The following PKNOX2 variants were observed in gnomAD, a reference collection of about 807,000 sequenced individuals.
PKNOX2 encodes the protein PBX/knotted 1 homeobox 2.
Under a neutral mutation model 53.1 loss-of-function variants are expected in PKNOX2, and 14 were observed. That is an observed-to-expected ratio of 0.26 (90% CI 0.17 to 0.41). The LOEUF (loss-of-function observed/expected upper bound fraction) is 0.41. PKNOX2 is among the 10% of genes least tolerant of loss of function. The pLI, the probability that PKNOX2 is intolerant of heterozygous loss-of-function variation, is 1.00. For missense variants in PKNOX2, 496 were observed against 602.8 expected (o/e 0.82, Z 1.85); for synonymous variants, 257 against 242.8 (o/e 1.06, Z -0.54).
At chr11:125,283,817 G>T (rs1231087899) in intron 2 of PKNOX2, among the ~76,000 whole-genome samples, 1 of 152,180 alleles carries the variant, frequency 6.6e-6, no homozygotes, top group Non-Finnish European at 1.5e-5. Flanking sequence ...GGATAGAAAG[G>T]TGCTTGCTAA....
chr11:125,257,925 C>T (rs572146949), intron 2 of PKNOX2, among the ~76,000 whole-genome samples: 26 of 152,284 alleles, frequency 1.7e-4, no homozygotes, highest in African/African-American at 3.1e-4. Context: ...TGACTGTTAA[C>T]GGCAGGAATT....
At chr11:125,401,742 T>C (rs954724892) in intron 7 of PKNOX2, among the ~76,000 whole-genome samples, 1 of 150,940 alleles carries the variant, frequency 6.6e-6, no homozygotes, top group Non-Finnish European at 1.5e-5. Context: ...GGAGCCTGTA[T>C]GAGAGAGAGA....
intron 2 of PKNOX2, among the ~76,000 whole-genome samples, chr11:125,328,908 A>T (rs1949992255): frequency 6.6e-6 from 1 of 152,232 alleles, no homozygotes; most frequent in Non-Finnish European, 1.5e-5. Flanking sequence ...TACGCTGCTG[A>T]TAGGATGTAA....
chr11:125,233,298 G>A (rs1377678561), intron 1 of PKNOX2, among the ~76,000 whole-genome samples: 1 of 152,182 alleles, frequency 6.6e-6, no homozygotes, highest in Non-Finnish European at 1.5e-5. Flanking sequence ...GTCCCACAGG[G>A]CAGGGATAGA....
intron 1 of PKNOX2, among the ~76,000 whole-genome samples, chr11:125,230,400 G>A (rs555252183): frequency 6.6e-6 from 1 of 152,244 alleles, no homozygotes; most frequent in Non-Finnish European, 1.5e-5. Flanking sequence ...GTGCACGGGT[G>A]GAACAGAGCA....
In PKNOX2 at chr11:125,431,378, G is replaced by T; in HGVS notation, c.1405G>T (p.Asp469Tyr). 2 of 1,605,906 alleles carry T rather than the reference G, an allele frequency of 1.2e-6. No individual in the cohort carries two copies. Among genetic ancestry groups the T allele is most frequent in the South Asian group, 1.1e-5 (1 of 90,920 alleles). Residue 469 changes from aspartate (D) to tyrosine (Y), a missense_variant, in exon 13 of 13, where the codon GAC (aspartate) becomes TAC (tyrosine). Physicochemically the swap from Asp to Tyr is radical, Grantham distance 160. Around this residue, in one of 5 missense-constraint regions of PKNOX2, gnomAD observed 139 missense variants for 161.3 expected, o/e 0.86. Coordinates refer to ENST00000298282, the MANE Select transcript of PKNOX2 (RefSeq NM_001382323.2). ...NVSDLGLEHS[D>Y]SLE ...CAGCGACCTGGGCTTGGAACACAGT[G>T]ACTCCCTGGAGTAGTCGGGCAGCCC...
chr11:125,332,605 T>C (rs1358170632), intron 3 of PKNOX2: 2 of 152,168 alleles, frequency 1.3e-5, no homozygotes, highest in East Asian at 1.9e-4. Flanking sequence ...ACAACCCTTT[T>C]TTCTTTCCAG....
At chr11:125,309,213 T>TCTCTCTCTCTTTCTTCCTTCCTTC (rs1565493569) in intron 2 of PKNOX2, among the ~76,000 whole-genome samples, 16 of 148,390 alleles carry the variant, frequency 1.1e-4, no homozygotes, top group Non-Finnish European at 2.1e-4. Context: ...TTCCTTCCTT[T>TCTCTCTCTCTTTCTTCCTTCCTTC]CTCTCTCTCT....
chr11:125,297,804 G>GGCTCA (rs1437078616), intron 2 of PKNOX2, among the ~76,000 whole-genome samples: 1 of 152,138 alleles, frequency 6.6e-6, no homozygotes, highest in East Asian at 1.9e-4. Flanking sequence ...TATTCCTTGA[G>GGCTCA]GCTCAGCTCA....
At chr11:125,176,797 G>T (rs1362461112) in intron 1 of PKNOX2, among the ~76,000 whole-genome samples, 1 of 152,182 alleles carries the variant, frequency 6.6e-6, no homozygotes, top group Non-Finnish European at 1.5e-5. Context: ...GGCACCAGGA[G>T]AATGCTGCCA....
At chr11:125,409,466 G>A (rs200705385) in intron 7 of PKNOX2, among the ~76,000 whole-genome samples, 15 of 152,180 alleles carry the variant, frequency 9.9e-5, no homozygotes, top group South Asian at 2.1e-4. Flanking sequence ...GCCATGTGCC[G>A]AAGGTGGCTG....
Position 125,209,527 on chromosome 11 carries a change from G to A in PKNOX2, c.-200-25518G>A, listed in dbSNP as rs528010771. Among the ~76,000 whole-genome samples, 102 of 151,866 alleles carry A rather than the reference G, an allele frequency of 6.7e-4. 1 individual carries two copies. The highest frequency in any genetic ancestry group is 2.7e-4 in the Non-Finnish European group (18 of 67,896). ...TTGGGGTAGTAGGAAAGAAGAGGAA[G>A]GTTAAAGACATAGCATGCTCAGGAA... is the stretch of plus-strand genomic sequence containing the variant. On this transcript the variant is annotated intron_variant, in intron 1 of 12. Transcript: ENST00000298282.
At chr11:125,305,075 C>T (rs1055924556) in intron 2 of PKNOX2, among the ~76,000 whole-genome samples, 3 of 152,168 alleles carry the variant, frequency 2.0e-5, no homozygotes, top group African/African-American at 7.2e-5. Context: ...CCATCTGGCC[C>T]AGCGCCACAC....
chr11:125,376,011 C>T (rs1952814953), intron 5 of PKNOX2, among the ~76,000 whole-genome samples: 1 of 152,180 alleles, frequency 6.6e-6, no homozygotes, highest in Non-Finnish European at 1.5e-5. Flanking sequence ...GTATCAGGCT[C>T]TTTGTATTTT....
At chr11:125,340,211 C>G (rs1420893773) in intron 3 of PKNOX2, among the ~76,000 whole-genome samples, 1 of 152,140 alleles carries the variant, frequency 6.6e-6, no homozygotes, top group Non-Finnish European at 1.5e-5. Context: ...GTACAAAAGC[C>G]CAGGCTCGGC....
At chr11:125,223,373 G>T (rs1333440522) in intron 1 of PKNOX2, among the ~76,000 whole-genome samples, 1 of 152,160 alleles carries the variant, frequency 6.6e-6, no homozygotes, top group Non-Finnish European at 1.5e-5. Flanking sequence ...GGGATTACAG[G>T]CACCCGCCAC....
intron 2 of PKNOX2, among the ~76,000 whole-genome samples, chr11:125,267,420 G>C (rs1429284208): frequency 6.6e-6 from 1 of 152,218 alleles, no homozygotes; most frequent in African/African-American, 2.4e-5. Context: ...TGTTCCCTCT[G>C]CCTGGCTGGG....
rs531193640 is a variant in PKNOX2, at chr11:125,164,853, G to A, written c.-201+77G>A. The A allele has an allele frequency of 6.7e-5, 12 of 178,732 alleles. No homozygotes were observed. The East Asian group carries it at 2.1e-3, about 31-fold the overall frequency. The allele number at this position is 178,732 out of a possible 1,614,324, so 11.1% of individuals were successfully genotyped here. On this transcript the variant is annotated intron_variant, in intron 1 of 12. Transcript: ENST00000298282. ...CGGCGCGGCGGCGGCTGCTGCTGCG[G>A]GCGGCTGCCTCAGAGCGCGTGTGTT...
intron 10 of PKNOX2, among the ~76,000 whole-genome samples, chr11:125,425,421 A>G (rs1003380976): frequency 1.3e-5 from 2 of 151,772 alleles, no homozygotes; most frequent in Admixed American, 6.6e-5. Flanking sequence ...CATGAACTGT[A>G]TCTACTTCTT....
Sources: gnomAD v4.1 joint callset for allele counts (sites outside exome capture counted in the v4.1 genomes callset) on GRCh38, gnomAD v4.1.1 for gene constraint, gnomAD v4.1.1 regional missense constraint, MANE v1.5 for transcripts, NCBI Gene and HGNC (gene_info 2026-07-23, HGNC 2026-07-21) for gene names.